Variants in RALA observed in about 807,000 individuals in gnomAD.
RALA encodes the protein RAS like proto-oncogene A.
A neutral mutation model predicts 24.0 loss-of-function variants in RALA; 5 were observed. The observed-to-expected ratio is 0.21, with a 90% CI of 0.11 to 0.44. RALA has a LOEUF of 0.44. RALA is among the 20% of genes least tolerant of loss of function. The pLI, the probability that RALA is intolerant of heterozygous loss-of-function variation, is 0.99. For missense variants in RALA, 95 were observed against 241.2 expected (o/e 0.39, Z 4.01); for synonymous variants, 77 against 83.8 (o/e 0.92, Z 0.44).
chr7:39,673,904 A>G (rs1451304361), intron 1 of RALA, among the ~76,000 whole-genome samples: 2 of 152,020 alleles, frequency 1.3e-5, no homozygotes, highest in Non-Finnish European at 2.9e-5. Context: ...AGCACTTTGG[A>G]AGGCCGAGGC....
intron 1 of RALA, among the ~76,000 whole-genome samples, chr7:39,684,276 T>C (rs761774307): frequency 3.9e-5 from 6 of 152,322 alleles, no homozygotes; most frequent in Admixed American, 6.5e-5. Flanking sequence ...TCTGCTAAAA[T>C]GCTTTTGATA....
intron 1 of RALA, among the ~76,000 whole-genome samples, chr7:39,650,868 G>A (rs749967577): frequency 1.3e-5 from 2 of 152,170 alleles, no homozygotes; most frequent in Admixed American, 6.5e-5. Flanking sequence ...AGTCGGCTTC[G>A]TATCTTATTC....
intron 1 of RALA, among the ~76,000 whole-genome samples, chr7:39,660,036 A>AAT (rs1554296570): frequency 2.7e-5 from 4 of 150,922 alleles, no homozygotes; most frequent in Non-Finnish European, 5.9e-5. Flanking sequence ...CTTTAAAAAA[A>AAT]TTTTTTTTTT....
At chr7:39,703,799 C>G (rs1276091633) in intron 4 of RALA, among the ~76,000 whole-genome samples, 3 of 152,148 alleles carry the variant, frequency 2.0e-5, no homozygotes, top group African/African-American at 7.2e-5. Flanking sequence ...TCCTAAATTA[C>G]ATTAACATAA....
chr7:39,672,667 T>TG (rs1404274020), intron 1 of RALA, among the ~76,000 whole-genome samples: 1 of 140,156 alleles, frequency 7.1e-6, no homozygotes, highest in Non-Finnish European at 1.5e-5. Flanking sequence ...AAAAAAAAGA[T>TG]GCATGCACTG....
chr7:39,647,290 C>G (rs752693128), intron 1 of RALA, among the ~76,000 whole-genome samples: 2 of 152,122 alleles, frequency 1.3e-5, no homozygotes, highest in Non-Finnish European at 2.9e-5. Context: ...TGGTACACCC[C>G]CCTTGATCTC....
At chr7:39,688,772 T>G (rs559619826) in intron 2 of RALA, among the ~76,000 whole-genome samples, 55 of 152,060 alleles carry the variant, frequency 3.6e-4, no homozygotes, top group Non-Finnish European at 5.9e-4. Flanking sequence ...ACGGGGTGTA[T>G]CCGTCTGTTC....
At chr7:39,645,329 G>A (rs772840045) in intron 1 of RALA, among the ~76,000 whole-genome samples, 11 of 152,094 alleles carry the variant, frequency 7.2e-5, no homozygotes, top group Non-Finnish European at 1.3e-4. Flanking sequence ...GGGCAGAAGG[G>A]TTCAGAAAGA....
intron 1 of RALA, among the ~76,000 whole-genome samples, chr7:39,652,230 G>T (rs77387413): frequency 0.062 from 9,419 of 152,212 alleles, 384 homozygotes; most frequent in Non-Finnish European, 0.087. Context: ...CCACCCATGA[G>T]GGTGGCCTCT....
chr7:39,666,842 T>C (rs2116011692), intron 1 of RALA, among the ~76,000 whole-genome samples: 1 of 152,366 alleles, frequency 6.6e-6, no homozygotes, highest in Admixed American at 6.5e-5. Context: ...TCTTTAGCTT[T>C]ACATTCCTGG....
chr7:39,659,183 G>A (rs1312586517), intron 1 of RALA, among the ~76,000 whole-genome samples: 1 of 152,074 alleles, frequency 6.6e-6, no homozygotes, highest in East Asian at 1.9e-4. Flanking sequence ...ATGGTCTGAG[G>A]CAGGAGGATT....
chr7:39,649,901 A>G (rs1791991997), intron 1 of RALA, among the ~76,000 whole-genome samples: 1 of 152,228 alleles, frequency 6.6e-6, no homozygotes, highest in Admixed American at 6.5e-5. Context: ...GTCAGCTGCT[A>G]CTGATAAGTG....
chr7:39,672,590 T>A (rs1792408339), intron 1 of RALA, among the ~76,000 whole-genome samples: 2 of 148,484 alleles, frequency 1.3e-5, no homozygotes, highest in African/African-American at 2.5e-5. Context: ...TATAAAATTT[T>A]AAAAAATGGA....
At chr7:39,703,867 A>G (rs1404516832) in intron 4 of RALA, among the ~76,000 whole-genome samples, 2 of 152,174 alleles carry the variant, frequency 1.3e-5, no homozygotes, top group African/African-American at 4.8e-5. Context: ...TCACAAACAA[A>G]CTACAAAATG....
At chr7:39,624,551 T>C (rs1791446639) in intron 1 of RALA, 1 of 152,252 alleles carries the variant, frequency 6.6e-6, no homozygotes, top group Non-Finnish European at 1.5e-5. Flanking sequence ...CCTGGATATA[T>C]GTGTTTAAGT....
At chr7:39,669,853 T>C (rs1792351162) in intron 1 of RALA, among the ~76,000 whole-genome samples, 1 of 151,600 alleles carries the variant, frequency 6.6e-6, no homozygotes, top group African/African-American at 2.4e-5. Context: ...TCTGTCACTA[T>C]TCTAATACAT....
chr7:39,642,658 T>G (rs554627445), intron 1 of RALA, among the ~76,000 whole-genome samples: 72 of 152,204 alleles, frequency 4.7e-4, no homozygotes, highest in Non-Finnish European at 8.1e-4. Context: ...ATCTGCTTCA[T>G]TTTTGGATGT....
At chr7:39,686,146 C>T (rs1792700693) in intron 1 of RALA, among the ~76,000 whole-genome samples, 1 of 141,916 alleles carries the variant, frequency 7.0e-6, no homozygotes, top group Non-Finnish European at 1.5e-5. Flanking sequence ...GTGGAGGCTA[C>T]AGTAAGCCGA....
intron 1 of RALA, among the ~76,000 whole-genome samples, chr7:39,683,080 C>A (rs1313080070): frequency 1.3e-5 from 2 of 152,212 alleles, no homozygotes; most frequent in African/African-American, 4.8e-5. Flanking sequence ...AACTTGCCCA[C>A]TTGCCATGTG....
Sources: gnomAD v4.1 joint callset for allele counts (sites outside exome capture counted in the v4.1 genomes callset) on GRCh38, gnomAD v4.1.1 for gene constraint, MANE v1.5 for transcripts, NCBI Gene and HGNC (gene_info 2026-07-23, HGNC 2026-07-21) for gene names.